The following KCNJ2 variants were observed in gnomAD, a reference collection of about 807,000 sequenced individuals.
The protein encoded by KCNJ2 is potassium inwardly rectifying channel subfamily J member 2, also known as inward rectifier potassium channel 2.
In KCNJ2, 12 loss-of-function variants were observed where a neutral mutation model predicts 28.4. That is an observed-to-expected ratio of 0.42 (90% CI 0.27 to 0.68). The LOEUF (loss-of-function observed/expected upper bound fraction) is 0.68. Among genes scored for constraint, KCNJ2 ranks in the 30% least tolerant of loss-of-function variants. KCNJ2 has a pLI of 0.23. For synonymous variants in KCNJ2, 200 were observed against 203.2 expected, an observed-to-expected ratio of 0.98 and a Z score of 0.13; for missense variants, 320 against 551.3, an observed-to-expected ratio of 0.58 and a Z score of 4.20.
rs375646186 is a variant in KCNJ2 at position 70,175,398 on chromosome 17, A to C, written c.359A>C (p.Lys120Thr). The C allele has an allele frequency of 5.0e-6, 8 of 1,614,002 alleles. No homozygotes were observed. In the African/African-American group the frequency reaches 8.0e-5, roughly 16 times the overall value. ...GACCTGGATGCATCCAAAGAGGGCA[A>C]AGCTTGTGTGTCCGAGGTCAACAGC... ...HGDLDASKEG[K>T]ACVSEVNSFT... The change falls in exon 2 of 2, where the codon AAA becomes ACA. Residue 120 changes from lysine (K) to threonine (T), a missense_variant. Physicochemically the swap from Lys to Thr is moderately conservative, Grantham distance 78 (BLOSUM62 -1). Coordinates refer to ENST00000243457, the MANE Select transcript of KCNJ2 (RefSeq NM_000891.3). The surrounding 1 kb of genome is among the most constrained non-coding windows in gnomAD (Gnocchi z 8.3).
chr17:70,170,164 C>CTTT, intron 1 of KCNJ2, among the ~76,000 whole-genome samples: 1 of 141,492 alleles, frequency 7.1e-6, no homozygotes, highest in African/African-American at 2.6e-5. Flanking sequence ...TGATCCTTGG[C>CTTT]TTTTTTTTTT....
intron 1 of KCNJ2, among the ~76,000 whole-genome samples, chr17:70,172,203 T>C (rs1450034681): frequency 6.7e-6 from 1 of 149,858 alleles, no homozygotes; most frequent in Non-Finnish European, 1.5e-5. Flanking sequence ...TTTAGCTATG[T>C]AATCAGCTCC....
chr17:70,178,125 G>A lies in KCNJ2; in HGVS notation c.*1802G>A, dbSNP rs2074406417. ...GAGTCTCAAAATCAACTCTCTTATG[G>A]TATTATATCTCTGTATGCCATTAAA... On this transcript the variant is annotated 3_prime_UTR_variant, in exon 2 of 2. Transcript: ENST00000243457. 1 of 163,728 alleles carries A rather than the reference G, an allele frequency of 6.1e-6. No homozygotes were observed. Among genetic ancestry groups the A allele is most frequent in the African/African-American group, 2.5e-5 (1 of 40,280 alleles). 10.1% of individuals were successfully genotyped at this position (163,728 alleles called of 1,614,324 possible).
rs1217136489 is a variant in KCNJ2 at position 70,175,114 on chromosome 17, A to C, written c.75A>C (p.Ala25=). 3 of 1,614,104 alleles carry C rather than the reference A, an allele frequency of 1.9e-6. No homozygotes were observed. The African/African-American group carries it at 4.0e-5, about 22-fold the overall frequency. Residue 25 remains alanine, a synonymous_variant, in exon 2 of 2, where the codon GCA becomes GCC. Coordinates refer to ENST00000243457, the MANE Select transcript of KCNJ2 (RefSeq NM_000891.3). This position sits in a 1 kb window ranked among gnomAD's most constrained non-coding sequence, Gnocchi z 8.3. ...EEDGMKLATM[A]VANGFGNGKS... is the part of the protein sequence containing the mutation. ...ACGGTATGAAGTTGGCCACCATGGCAGTTGCAAATGGCTTTGGGAACGGGA... is the reference window on the plus strand; with the variant it reads ...ACGGTATGAAGTTGGCCACCATGGCCGTTGCAAATGGCTTTGGGAACGGGA...
At chr17:70,171,686 A>AT (rs1297607222) in intron 1 of KCNJ2, among the ~76,000 whole-genome samples, 1 of 152,042 alleles carries the variant, frequency 6.6e-6, no homozygotes, top group Non-Finnish European at 1.5e-5. Context: ...ACGCTGAACT[A>AT]TTTTTTTCCA....
Position 70,175,072 on chromosome 17 carries a change from C to T in KCNJ2, c.33C>T (p.Ile11=), listed in dbSNP as rs1463813330. 3.7e-6 allele frequency: 6 copies of T among 1,614,140 alleles called. No individual in the cohort carries two copies. Among genetic ancestry groups the T allele is most frequent in the African/African-American group, 2.7e-5 (2 of 75,016 alleles). The change falls in exon 2 of 2, where the codon ATC becomes ATT. Residue 11 remains isoleucine (I), a synonymous_variant. Coordinates refer to ENST00000243457, the MANE Select transcript of KCNJ2 (RefSeq NM_000891.3). This position sits in a 1 kb window ranked among gnomAD's most constrained non-coding sequence, Gnocchi z 8.3. MGSVRTNRYS[I]VSSEEDGMKL... is the part of the protein sequence containing the mutation. ...GTGTGCGAACCAACCGCTACAGCAT[C>T]GTCTCTTCAGAAGAAGACGGTATGA...
rs1237816356 is a variant in KCNJ2, at chr17:70,179,314, C to A, written c.*2991C>A. On this transcript the variant is annotated 3_prime_UTR_variant, in exon 2 of 2. Transcript: ENST00000243457. ...CTGTTGGATTTACTTCGGATTTATT[C>A]CCTTTTAAAGAATTTTTGCCCATAT... 1 of 166,554 alleles carries A rather than the reference C, an allele frequency of 6.0e-6. No individual in the cohort carries two copies. The highest frequency in any genetic ancestry group is 2.4e-5 in the African/African-American group (1 of 41,326). The allele number at this position is 166,554 out of a possible 1,614,324, so 10.3% of individuals were successfully genotyped here.
rs1200634990 is a variant in KCNJ2 at position 70,178,716 on chromosome 17, A to T, written c.*2393A>T. On this transcript the variant is annotated 3_prime_UTR_variant, in exon 2 of 2. Coordinates refer to ENST00000243457, the MANE Select transcript of KCNJ2 (RefSeq NM_000891.3). ...AACTTATTTCTGAAAAAGAGAAAAA[A>T]ATATAAAATTTCTGGTGCACAGGTT... The T allele has an allele frequency of 6.0e-6, 1 of 166,910 alleles. No individual in the cohort carries two copies. The highest frequency in any genetic ancestry group is 1.5e-5 in the Non-Finnish European group (1 of 68,116). 10.3% of individuals were successfully genotyped at this position (166,910 alleles called of 1,614,324 possible).
rs552577704 is a variant in KCNJ2, at chr17:70,178,138, G to A, written c.*1815G>A. 21 of 162,328 alleles carry A rather than the reference G, an allele frequency of 1.3e-4. No homozygotes were observed. In the East Asian group the frequency reaches 3.4e-3, roughly 26 times the overall value. 10.1% of individuals were successfully genotyped at this position (162,328 alleles called of 1,614,324 possible). On this transcript the variant is annotated 3_prime_UTR_variant, in exon 2 of 2. Transcript: ENST00000243457. ...AACTCTCTTATGGTATTATATCTCT[G>A]TATGCCATTAAAAAACAGCTTGTTC...
In KCNJ2 at chr17:70,177,282, G is replaced by A. The variant is rs2074399532; in HGVS notation, c.*959G>A. ...ATTTTAAGAGGAAGAAGAAGAAAGG[G>A]GCACACACACACAATACCGACGTCT... On this transcript the variant is annotated 3_prime_UTR_variant, in exon 2 of 2. Transcript: ENST00000243457. The A allele has an allele frequency of 6.0e-6, 1 of 167,006 alleles. No individual in the cohort carries two copies. Among genetic ancestry groups the A allele is most frequent in the African/African-American group, 2.4e-5 (1 of 41,402 alleles). The allele number at this position is 167,006 out of a possible 1,614,324, so 10.3% of individuals were successfully genotyped here. A position where few individuals can be genotyped will look rare whatever the true frequency, so the allele number is the denominator to read the frequency against.
rs750382314 is a variant in KCNJ2, at chr17:70,176,350, T to A, written c.*27T>A. On this transcript the variant is annotated 3_prime_UTR_variant, in exon 2 of 2. Coordinates refer to ENST00000243457, the MANE Select transcript of KCNJ2 (RefSeq NM_000891.3). ...TGACTGATTCCTTCTCTGGAATAGT[T>A]ACTTTACAACACGGTCTGTTGGTCA... 1 of 1,602,816 alleles carries A rather than the reference T, an allele frequency of 6.2e-7. No homozygotes were observed. The highest frequency in any genetic ancestry group is 1.7e-5 in the Admixed American group (1 of 60,010).
chr17:70,174,062 A>T (rs141117773), intron 1 of KCNJ2, among the ~76,000 whole-genome samples: 3 of 152,330 alleles, frequency 2.0e-5, no homozygotes, highest in African/African-American at 7.2e-5. Context: ...TGATGAAGCA[A>T]GCCCAAACAG....
intron 1 of KCNJ2, among the ~76,000 whole-genome samples, chr17:70,170,062 A>G (rs2074356616): frequency 6.6e-6 from 1 of 151,670 alleles, no homozygotes; most frequent in Non-Finnish European, 1.5e-5. Context: ...CTAAGTGGGG[A>G]AAAAAAGAAA....
rs1267067165 is a variant in KCNJ2, at chr17:70,179,302, T to G, written c.*2979T>G. 1 of 166,862 alleles carries G rather than the reference T, an allele frequency of 6.0e-6. No individual in the cohort carries two copies. The highest frequency in any genetic ancestry group is 1.5e-5 in the Non-Finnish European group (1 of 68,090). The allele number at this position is 166,862 out of a possible 1,614,324, so 10.3% of individuals were successfully genotyped here. A position where few individuals can be genotyped will look rare whatever the true frequency, so the allele number is the denominator to read the frequency against. The stretch of plus-strand genomic sequence containing the variant: ...CAAGCAGATTCCCTGTTGGATTTAC[T>G]TCGGATTTATTCCCTTTTAAAGAAT... On this transcript the variant is annotated 3_prime_UTR_variant, in exon 2 of 2. Coordinates refer to ENST00000243457, the MANE Select transcript of KCNJ2 (RefSeq NM_000891.3).
At chr17:70,170,558 A>G (rs2074359960) in intron 1 of KCNJ2, among the ~76,000 whole-genome samples, 1 of 152,228 alleles carries the variant, frequency 6.6e-6, no homozygotes, top group Non-Finnish European at 1.5e-5. Flanking sequence ...GACGATTTTC[A>G]TAAATTCAGA....
At chr17:70,174,783 A>C in intron 1 of KCNJ2, 41 bp from the exon 2 acceptor site, 1 of 550,456 alleles carries the variant, frequency 1.8e-6, no homozygotes, top group South Asian at 2.0e-5. Flanking sequence ...ATTCTTTAAG[A>C]GTGGCTTATT....
At chr17:70,171,218 CA>C (rs1242522265) in intron 1 of KCNJ2, among the ~76,000 whole-genome samples, 10 of 152,316 alleles carry the variant, frequency 6.6e-5, no homozygotes, top group African/African-American at 2.2e-4. Flanking sequence ...AAATGTTAGA[CA>C]GGGGGCTCAC....
intron 1 of KCNJ2, among the ~76,000 whole-genome samples, chr17:70,174,356 A>C (rs1312909752): frequency 6.6e-6 from 1 of 152,310 alleles, no homozygotes; most frequent in East Asian, 1.9e-4. Context: ...CCCGTAATGC[A>C]CATGCAACTC....
intron 1 of KCNJ2, among the ~76,000 whole-genome samples, 155 bp from the exon 2 acceptor site, chr17:70,174,669 G>A (rs746733856): frequency 6.6e-6 from 1 of 152,168 alleles, no homozygotes; most frequent in Non-Finnish European, 1.5e-5. Context: ...TACAAAGCAT[G>A]CTTAGGATAC....
Sources: allele counts gnomAD v4.1 joint callset (sites outside exome capture counted in the v4.1 genomes callset), GRCh38; gene constraint gnomAD v4.1.1; non-coding constraint Gnocchi (gnomAD v3.1); transcripts MANE v1.5; gene names NCBI Gene and HGNC (gene_info 2026-07-23, HGNC 2026-07-21).